Variants in MALRD1 observed in about 807,000 individuals in gnomAD.
MALRD1 encodes the protein MAM and LDL receptor class A domain containing 1, also known as MAM and LDL-receptor class A domain-containing protein 1.
In MALRD1, 247 loss-of-function variants were observed where a neutral mutation model predicts 242.1. The observed-to-expected ratio is 1.02, with a 90% CI of 0.92 to 1.13. The LOEUF is 1.13. Ranked by LOEUF, MALRD1 falls within the 50% of genes most tolerant of loss-of-function variation. MALRD1 has a pLI of 0.00. For synonymous variants in MALRD1, 995 were observed against 866.6 expected (o/e 1.15, Z -2.60); for missense variants, 2,989 against 2,533.1 (o/e 1.18, Z -3.86).
intron 18 of MALRD1, among the ~76,000 whole-genome samples, chr10:19,242,863 C>A (rs916017946): frequency 6.6e-6 from 1 of 151,982 alleles, no homozygotes; most frequent in Admixed American, 6.6e-5. Context: ...GTGGGTTTTG[C>A]TATCTGAATC....
chr10:19,211,249 A>G (rs2131634103), intron 18 of MALRD1, among the ~76,000 whole-genome samples: 1 of 152,168 alleles, frequency 6.6e-6, no homozygotes, highest in Middle Eastern at 3.4e-3. Context: ...ATGAAACTTG[A>G]GGTTTGAGAC....
rs928594290 is a variant in MALRD1 at position 19,204,456 on chromosome 10, C to G, written c.2210+43C>G. ...ATTTAAACAATATTAAACAGTTCAC[C>G]CTGGTGGTGAAGTGTTTGCAGGCAT... On this transcript the variant is annotated intron_variant, in intron 16 of 39. Transcript: ENST00000454679. 12 of 1,359,174 alleles carry G rather than the reference C, an allele frequency of 8.8e-6. No homozygotes were observed. In the African/African-American group the frequency reaches 1.8e-4, roughly 20 times the overall value. The allele number at this position is 1,359,174 out of a possible 1,614,324, so 84.2% of individuals were successfully genotyped here.
At chr10:19,246,186 C>G (rs989631735) in intron 18 of MALRD1, among the ~76,000 whole-genome samples, 3 of 152,164 alleles carry the variant, frequency 2.0e-5, no homozygotes, top group African/African-American at 7.2e-5. Context: ...TCTACTTTAT[C>G]TGCTTAGCAA....
At chr10:19,570,612 C>T (rs549909659) in intron 33 of MALRD1, among the ~76,000 whole-genome samples, 20 of 151,824 alleles carry the variant, frequency 1.3e-4, no homozygotes, top group Admixed American at 2.6e-4. Flanking sequence ...AGCCAATATG[C>T]GTAATATATT....
At chr10:19,221,299 T>C (rs1837546170) in intron 18 of MALRD1, among the ~76,000 whole-genome samples, 1 of 152,156 alleles carries the variant, frequency 6.6e-6, no homozygotes, top group East Asian at 1.9e-4. Context: ...TGAAATTATA[T>C]ACATAAATGC....
At chr10:19,206,282 A>G (rs1836780302) in intron 17 of MALRD1, among the ~76,000 whole-genome samples, 1 of 152,142 alleles carries the variant, frequency 6.6e-6, no homozygotes. Context: ...TACACATATT[A>G]TCAAAGGCAT....
chr10:19,284,699 C>G (rs1354731195), intron 21 of MALRD1, among the ~76,000 whole-genome samples: 3 of 111,912 alleles, frequency 2.7e-5, no homozygotes, highest in South Asian at 3.8e-4. Flanking sequence ...GTGAATAATG[C>G]CGCAATAAAC....
intron 28 of MALRD1, among the ~76,000 whole-genome samples, chr10:19,409,082 G>A (rs1269332654): frequency 6.6e-6 from 1 of 152,166 alleles, no homozygotes; most frequent in African/African-American, 2.4e-5. Context: ...AAACAACCCA[G>A]ATGGCCTTCA....
At chr10:19,083,548 G>GA (rs1448204484) in intron 2 of MALRD1, among the ~76,000 whole-genome samples, 3 of 151,934 alleles carry the variant, frequency 2.0e-5, no homozygotes, top group Non-Finnish European at 4.4e-5. Flanking sequence ...CCCTTATGTA[G>GA]AAAAAGCATT....
At chr10:19,190,658 A>ATT (rs35922631) in intron 14 of MALRD1, among the ~76,000 whole-genome samples, 4 of 145,112 alleles carry the variant, frequency 2.8e-5, no homozygotes, top group Non-Finnish European at 6.0e-5. Flanking sequence ...TGAACAAGTG[A>ATT]TTTTTTTTTT....
At chr10:19,414,809 A>T (rs1833443844) in intron 28 of MALRD1, among the ~76,000 whole-genome samples, 1 of 138,986 alleles carries the variant, frequency 7.2e-6, no homozygotes, top group South Asian at 2.3e-4. Context: ...TAGCAATTTC[A>T]TGGAGTTTCT....
chr10:19,485,936 A>G (rs1299944110), intron 29 of MALRD1, among the ~76,000 whole-genome samples: 1 of 152,074 alleles, frequency 6.6e-6, no homozygotes, highest in Non-Finnish European at 1.5e-5. Flanking sequence ...TTTTATAGAT[A>G]TTAGTGATTA....
chr10:19,067,029 A>G (rs1253141855), intron 2 of MALRD1, among the ~76,000 whole-genome samples, 170 bp downstream of exon 2: 1 of 152,028 alleles, frequency 6.6e-6, no homozygotes, highest in Non-Finnish European at 1.5e-5. Context: ...AAAATGTCTA[A>G]TTTTATGCAT....
At chr10:19,074,312 C>A (rs908308871) in intron 2 of MALRD1, among the ~76,000 whole-genome samples, 1 of 152,072 alleles carries the variant, frequency 6.6e-6, no homozygotes, top group Non-Finnish European at 1.5e-5. Context: ...CAAGGGCATG[C>A]ATATTTGGTG....
chr10:19,195,797 C>G (rs1564458498), intron 14 of MALRD1, among the ~76,000 whole-genome samples: 1 of 152,110 alleles, frequency 6.6e-6, no homozygotes, highest in Non-Finnish European at 1.5e-5. Context: ...CCTGTTCTCA[C>G]TTTACATTGG....
At chr10:19,237,600 TTATAATTATAATTATATAATTA>T (rs1312763516) in intron 18 of MALRD1, among the ~76,000 whole-genome samples, 1 of 5,654 alleles carries the variant, frequency 1.8e-4, no homozygotes, top group South Asian at 6.7e-3. Flanking sequence ...AATTATATAA[TTATAATTATAATTATATAATTA>T]TATAATTATA....
chr10:19,054,494 A>G (rs1834604928), intron 1 of MALRD1, among the ~76,000 whole-genome samples: 1 of 152,172 alleles, frequency 6.6e-6, no homozygotes, highest in South Asian at 2.1e-4. Context: ...CTGTTGTGCA[A>G]TAGATCTCAG....
At chr10:19,495,297 G>C (rs1483983265) in intron 30 of MALRD1, among the ~76,000 whole-genome samples, 1 of 151,590 alleles carries the variant, frequency 6.6e-6, no homozygotes, top group East Asian at 1.9e-4. Context: ...CATTTCCCAA[G>C]GTCAAAATGA....
At chr10:19,202,930 T>C (rs1836609596) in intron 14 of MALRD1, among the ~76,000 whole-genome samples, 1 of 152,176 alleles carries the variant, frequency 6.6e-6, no homozygotes, top group Non-Finnish European at 1.5e-5. Flanking sequence ...CATTAATAAC[T>C]TCTCTCAACC....
Sources: allele counts gnomAD v4.1 joint callset (sites outside exome capture counted in the v4.1 genomes callset), GRCh38; gene constraint gnomAD v4.1.1; transcripts MANE v1.5; gene names NCBI Gene and HGNC (gene_info 2026-07-23, HGNC 2026-07-21).